CDH8: variants seen among roughly 807,000 people sequenced by gnomAD.
CDH8 encodes cadherin-8.
A neutral mutation model predicts 68.1 loss-of-function variants in CDH8; 17 were observed. The ratio of observed to expected loss-of-function variants is 0.25; its 90% CI spans 0.17 to 0.37. CDH8 has a LOEUF of 0.37. Among genes scored for constraint, CDH8 ranks in the 10% least tolerant of loss-of-function variants. The pLI, the probability that CDH8 is intolerant of heterozygous loss-of-function variation, is 1.00. For missense variants in CDH8, 763 were observed against 999.3 expected (o/e 0.76, Z 3.19); for synonymous variants, 372 against 365.1 (o/e 1.02, Z -0.21).
intron 4 of CDH8, among the ~76,000 whole-genome samples, chr16:61,829,959 T>C (rs1207759732): frequency 1.3e-5 from 2 of 151,560 alleles, no homozygotes; most frequent in Non-Finnish European, 3.0e-5. Flanking sequence ...CTTTTTGTGT[T>C]GGGCTTATCT....
At chr16:61,962,010 C>T (rs1231833953) in intron 2 of CDH8, among the ~76,000 whole-genome samples, 1 of 152,140 alleles carries the variant, frequency 6.6e-6, no homozygotes, top group Non-Finnish European at 1.5e-5. Flanking sequence ...ACATTATATG[C>T]TCTATTCTTA....
At chr16:61,741,786 GACAA>G (rs1421187320) in intron 8 of CDH8, among the ~76,000 whole-genome samples, 2 of 151,968 alleles carry the variant, frequency 1.3e-5, no homozygotes, top group African/African-American at 4.8e-5. Flanking sequence ...GATATTATAA[GACAA>G]ACAATTTTGG....
intron 2 of CDH8, among the ~76,000 whole-genome samples, chr16:62,016,241 C>T (rs1389392729): frequency 6.6e-6 from 1 of 152,092 alleles, no homozygotes; most frequent in African/African-American, 2.4e-5. Context: ...TGTGATGTTT[C>T]TTCATGTGAT....
At chr16:61,777,433 G>A (rs1458007569) in intron 8 of CDH8, among the ~76,000 whole-genome samples, 1 of 152,036 alleles carries the variant, frequency 6.6e-6, no homozygotes, top group Non-Finnish European at 1.5e-5. Flanking sequence ...TGGAGAGGGT[G>A]GTTTATAAAG....
intron 8 of CDH8, among the ~76,000 whole-genome samples, chr16:61,765,545 A>G (rs1596946661): frequency 6.6e-6 from 1 of 152,146 alleles, no homozygotes; most frequent in East Asian, 1.9e-4. Context: ...TTGGCATCAC[A>G]TAGTTATAGA....
intron 10 of CDH8, among the ~76,000 whole-genome samples, chr16:61,678,873 G>A (rs1292749264): frequency 6.6e-6 from 1 of 151,978 alleles, no homozygotes; most frequent in African/African-American, 2.4e-5. Flanking sequence ...TTCATAAGGA[G>A]CTGTGACTTA....
At chr16:61,906,002 A>G (rs1567522394) in intron 2 of CDH8, among the ~76,000 whole-genome samples, 1 of 152,136 alleles carries the variant, frequency 6.6e-6, no homozygotes, top group Non-Finnish European at 1.5e-5. Flanking sequence ...GAGAGAGAGC[A>G]TAGTATGGGA....
Position 61,997,968 on chromosome 16 carries a change from T to C in CDH8, c.252+23184A>G, listed in dbSNP as rs75427339. On this transcript the variant is annotated intron_variant, in intron 2 of 11. Transcript: ENST00000577390. ...CTTGACCTGTACCAAGAAATACAAATATCTATAAACAGCAATTTTAGAATA... is the reference window on the plus strand; with the variant it reads ...CTTGACCTGTACCAAGAAATACAAACATCTATAAACAGCAATTTTAGAATA... Among the ~76,000 whole-genome samples, 965 of 152,282 alleles carry C rather than the reference T, an allele frequency of 6.3e-3. 5 individuals carry two copies. The highest frequency in any genetic ancestry group is 9.7e-3 in the Non-Finnish European group (663 of 68,020).
intron 8 of CDH8, among the ~76,000 whole-genome samples, chr16:61,780,777 A>C (rs1417099503): frequency 6.6e-6 from 1 of 152,238 alleles, no homozygotes; most frequent in African/African-American, 2.4e-5. Context: ...CTATGTTCAT[A>C]GTAATTTCAA....
At chr16:61,808,703 T>C (rs2142998564) in intron 7 of CDH8, among the ~76,000 whole-genome samples, 1 of 152,356 alleles carries the variant, frequency 6.6e-6, no homozygotes, top group Non-Finnish European at 1.5e-5. Context: ...AGTAAAATCC[T>C]GGAATGATAT....
At chr16:62,034,058 A>C (rs1902391763) in intron 1 of CDH8, among the ~76,000 whole-genome samples, 1 of 152,164 alleles carries the variant, frequency 6.6e-6, no homozygotes, top group Non-Finnish European at 1.5e-5. Context: ...ACATGTCTGG[A>C]CATGATGATT....
chr16:61,771,577 G>T (rs574587220), intron 8 of CDH8, among the ~76,000 whole-genome samples: 1 of 151,108 alleles, frequency 6.6e-6, no homozygotes, highest in East Asian at 2.0e-4. Context: ...GGACAGAGGC[G>T]CTCTAAAAAG....
At chr16:61,772,357 G>A (rs1025659290) in intron 8 of CDH8, among the ~76,000 whole-genome samples, 6 of 151,972 alleles carry the variant, frequency 3.9e-5, no homozygotes, top group African/African-American at 1.4e-4. Flanking sequence ...GTTTTCCCTA[G>A]GAGAATTGAG....
At chr16:61,725,575 G>C (rs908394563) in intron 9 of CDH8, 1 of 150,656 alleles carries the variant, frequency 6.6e-6, no homozygotes, top group South Asian at 2.1e-4. Context: ...CCATATCTTT[G>C]AAACAACCTG....
chr16:61,737,079 T>C (rs1457533983), intron 8 of CDH8, among the ~76,000 whole-genome samples: 2 of 152,158 alleles, frequency 1.3e-5, no homozygotes, highest in East Asian at 3.9e-4. Flanking sequence ...ATCACCTCTC[T>C]GTCACATACC....
At chr16:62,025,006 C>A (rs550737106) in intron 1 of CDH8, among the ~76,000 whole-genome samples, 6 of 152,078 alleles carry the variant, frequency 3.9e-5, no homozygotes, top group Non-Finnish European at 7.4e-5. Context: ...AATACATAAA[C>A]AATTCACTGA....
chr16:61,716,794 G>A (rs1313166814), intron 9 of CDH8, among the ~76,000 whole-genome samples: 1 of 151,650 alleles, frequency 6.6e-6, no homozygotes, highest in Non-Finnish European at 1.5e-5. Context: ...CCCTGCTTTG[G>A]CATTTTATCT....
At chr16:61,888,849 A>G (rs1023624215) in intron 3 of CDH8, among the ~76,000 whole-genome samples, 1 of 152,138 alleles carries the variant, frequency 6.6e-6, no homozygotes, top group Non-Finnish European at 1.5e-5. Flanking sequence ...TCCATCCCCA[A>G]TGTATTTCCT....
intron 10 of CDH8, among the ~76,000 whole-genome samples, chr16:61,663,275 T>A (rs994830728): frequency 9.2e-5 from 14 of 152,196 alleles, no homozygotes; most frequent in African/African-American, 3.4e-4. Context: ...CAGATTATGA[T>A]AACAGATTGA....
Sources: gnomAD v4.1 joint callset for allele counts (sites outside exome capture counted in the v4.1 genomes callset) on GRCh38, gnomAD v4.1.1 for gene constraint, MANE v1.5 for transcripts, NCBI Gene and HGNC (gene_info 2026-07-23, HGNC 2026-07-21) for gene names.